The following VPS54 variants were observed in gnomAD, a reference collection of about 807,000 sequenced individuals.
VPS54 encodes vacuolar protein sorting-associated protein 54.
A neutral mutation model predicts 121.5 loss-of-function variants in VPS54; 45 were observed. That is an observed-to-expected ratio of 0.37 (90% CI 0.29 to 0.47). The LOEUF (loss-of-function observed/expected upper bound fraction) is 0.47, where lower values mean the gene tolerates loss of function less well. Among genes scored for constraint, VPS54 ranks in the 20% least tolerant of loss-of-function variants. VPS54 has a pLI of 0.99. For missense variants in VPS54, 1,090 were observed against 1,131.4 expected (o/e 0.96, Z 0.52); for synonymous variants, 371 against 385.8 (o/e 0.96, Z 0.45).
At position 63,962,146 on chromosome 2, in the gene VPS54, A is replaced by T. The variant is rs773052148; in HGVS notation, c.922T>A (p.Ser308Thr). The change falls in exon 7 of 23, where the codon TCT becomes ACT. Residue 308 changes from serine (S) to threonine (T), a missense_variant. Transcript: ENST00000272322. ...QTQPTVQVLL[S>T]TSEFVGALDL... ...AATGCTCCAACAAATTCAGAAGTAGATAATAACACCTGTACTGTAGGCTGA... is the reference window on the plus strand; with the variant it reads ...AATGCTCCAACAAATTCAGAAGTAGTTAATAACACCTGTACTGTAGGCTGA... The T allele has an allele frequency of 1.4e-5, 23 of 1,610,658 alleles. No homozygotes were observed. Among genetic ancestry groups the T allele is most frequent in the Non-Finnish European group, 1.8e-5 (21 of 1,177,124 alleles).
chr2:63,996,130 G>C (rs1195872962), intron 1 of VPS54, among the ~76,000 whole-genome samples: 2 of 152,212 alleles, frequency 1.3e-5, no homozygotes, highest in African/African-American at 4.8e-5. Context: ...GAAAGGGAGA[G>C]ATGTTGCAGG....
At chr2:63,907,678 T>C (rs531641964) in intron 20 of VPS54, among the ~76,000 whole-genome samples, 17 of 152,134 alleles carry the variant, frequency 1.1e-4, no homozygotes, top group Non-Finnish European at 2.2e-4. Context: ...AGAAAATACT[T>C]AGAAACCACA....
intron 6 of VPS54, among the ~76,000 whole-genome samples, chr2:63,963,697 T>C (rs974359516): frequency 6.6e-6 from 1 of 152,124 alleles, no homozygotes; most frequent in Non-Finnish European, 1.5e-5. Context: ...GTTTATGCCC[T>C]TTTGCTCTTT....
chr2:63,951,235 G>A (rs1377027350), intron 7 of VPS54, among the ~76,000 whole-genome samples: 2 of 142,926 alleles, frequency 1.4e-5, no homozygotes, highest in Admixed American at 7.1e-5. Flanking sequence ...TACAGTCATG[G>A]GCAACCACAA....
chr2:64,013,390 T>C (rs534004560), intron 1 of VPS54, among the ~76,000 whole-genome samples: 16 of 151,942 alleles, frequency 1.1e-4, no homozygotes, highest in African/African-American at 1.9e-4. Context: ...CTAGTCCAGA[T>C]TGGGGGAGAC....
chr2:63,974,981 C>T (rs1676457711), intron 3 of VPS54: 2 of 1,549,298 alleles, frequency 1.3e-6, no homozygotes, highest in Non-Finnish European at 1.7e-6. Flanking sequence ...AGGGGACATC[C>T]TTACCTTGAT....
chr2:63,897,424 C>T (rs1672491847), intron 22 of VPS54, 72 bp downstream of exon 22: 2 of 1,082,818 alleles, frequency 1.8e-6, no homozygotes, highest in Non-Finnish European at 2.7e-6. Context: ...AAAAGGATGG[C>T]ACAAATAATC....
intron 1 of VPS54, among the ~76,000 whole-genome samples, chr2:64,016,540 GAAAATGTTCT>G (rs1678703262): frequency 6.6e-6 from 1 of 151,984 alleles, no homozygotes; most frequent in Non-Finnish European, 1.5e-5. Context: ...AGGGAATGAT[GAAAATGTTCT>G]AAAATTAGAT....
intron 6 of VPS54, 139 bp downstream of exon 6, chr2:63,965,696 T>C (rs1350662799): frequency 4.1e-6 from 5 of 1,209,122 alleles, no homozygotes; most frequent in African/African-American, 3.1e-5. Flanking sequence ...TCAGTTAAGA[T>C]TGGGAGGCTT....
At chr2:63,899,657 A>G (rs1324560578) in intron 20 of VPS54, 76 bp from the exon 21 acceptor site, 9 of 1,194,522 alleles carry the variant, frequency 7.5e-6, no homozygotes, top group Non-Finnish European at 1.1e-5. Context: ...CCTGAGACAT[A>G]TATTTACTGT....
chr2:63,981,887 C>T lies in VPS54; in HGVS notation c.137G>A (p.Gly46Asp). Reference protein sequence around the residue: ...LPDVCPKEPTGDSHSLYVAPS... With the variant: ...LPDVCPKEPTDDSHSLYVAPS... ...GGCAACATATAAACTATGTGAATCA[C>T]CTGCAAAAAGTAAACAAGAGAACTC... Residue 46 changes from glycine to aspartate, a missense_variant and splice_region_variant, in exon 3 of 23, where the codon GGT becomes GAT. Gly to Asp is a moderately conservative substitution (Grantham distance 94). Transcript: ENST00000272322. The T allele has an allele frequency of 1.2e-6, 2 of 1,605,106 alleles. No homozygotes were observed. Among genetic ancestry groups the T allele is most frequent in the Non-Finnish European group, 1.7e-6 (2 of 1,175,958 alleles).
At chr2:64,010,212 G>A (rs1159014408) in intron 1 of VPS54, among the ~76,000 whole-genome samples, 1 of 152,198 alleles carries the variant, frequency 6.6e-6, no homozygotes, top group Non-Finnish European at 1.5e-5. Flanking sequence ...CATGGATAAA[G>A]TGGAATTTCT....
At chr2:63,982,464 T>C (rs1214447277) in intron 2 of VPS54, among the ~76,000 whole-genome samples, 1 of 152,218 alleles carries the variant, frequency 6.6e-6, no homozygotes, top group East Asian at 1.9e-4. Context: ...ATTGAACCAC[T>C]GCTTGTAGGG....
At chr2:63,980,319 A>G (rs1472843832) in intron 3 of VPS54, among the ~76,000 whole-genome samples, 3 of 152,026 alleles carry the variant, frequency 2.0e-5, no homozygotes, top group South Asian at 2.1e-4. Context: ...TCCTCCTTTC[A>G]AATGCTTTTT....
In VPS54 at chr2:63,958,736, A is replaced by T. The variant is rs187143454; in HGVS notation, c.1010+3322T>A. On this transcript the variant is annotated intron_variant, in intron 7 of 22. Transcript: ENST00000272322. ...ATATATATATTAAATAGAACATTTT[A>T]AAAAAGCAATACAAAGAACAGTATA... Among the ~76,000 whole-genome samples the T allele has an allele frequency of 9.9e-4, 151 of 152,284 alleles. 1 individual carries two copies. The East Asian group carries it at 0.012, about 12-fold the overall frequency.
chr2:63,941,806 G>A, intron 11 of VPS54, among the ~76,000 whole-genome samples: 1 of 152,038 alleles, frequency 6.6e-6, no homozygotes, highest in Non-Finnish European at 1.5e-5. Context: ...GGCAGAGGCG[G>A]GCAGATCACT....
intron 3 of VPS54, among the ~76,000 whole-genome samples, chr2:63,974,207 A>G (rs1259603744): frequency 6.6e-6 from 1 of 152,212 alleles, no homozygotes; most frequent in African/African-American, 2.4e-5. Flanking sequence ...TGTTCAAACA[A>G]CTATCCTTTC....
chr2:63,955,735 C>G (rs375665700), intron 7 of VPS54, among the ~76,000 whole-genome samples: 4 of 151,984 alleles, frequency 2.6e-5, no homozygotes, highest in Admixed American at 6.5e-5. Flanking sequence ...TTAAATGCAA[C>G]TTTCAGAACT....
At position 63,942,603 on chromosome 2, in the gene VPS54, G is replaced by C. The variant is rs80187000; in HGVS notation, c.1302-42C>G. 2.7e-5 allele frequency: 40 copies of C among 1,466,068 alleles called. 2 individuals carry two copies. The South Asian group carries it at 4.6e-4, about 17-fold the overall frequency. 90.8% of individuals were successfully genotyped at this position (1,466,068 alleles called of 1,614,324 possible). A position where few individuals can be genotyped will look rare whatever the true frequency, so the allele number is the denominator to read the frequency against. On this transcript the variant is annotated intron_variant, in intron 10 of 22. Transcript: ENST00000272322. ...CAAACAAAAATAATGATTGTCTCTG[G>C]GCCAATCAATATAACATCTACAAAC...
Sources: gnomAD v4.1 joint callset for allele counts (sites outside exome capture counted in the v4.1 genomes callset) on GRCh38, gnomAD v4.1.1 for gene constraint, MANE v1.5 for transcripts, NCBI Gene and HGNC (gene_info 2026-07-23, HGNC 2026-07-21) for gene names.